Variants in PRRT1B observed in about 807,000 individuals in gnomAD.
PRRT1B encodes the protein proline rich transmembrane protein 1B, also known as dispanin subfamily D member 2.
Position 131,551,837 on chromosome 9 carries a change from ACT to A in PRRT1B, c.26-2715_26-2714del, listed in dbSNP as rs1300432954. On this transcript the variant is annotated intron_variant, in intron 1 of 3. Coordinates refer to ENST00000636672, the Ensembl canonical transcript of PRRT1B. This position sits in a 1 kb window ranked among gnomAD's most constrained non-coding sequence, Gnocchi z 4.4. The stretch of plus-strand genomic sequence containing the variant: ...CGGCCCACCCCATCTCCCTTCGCTG[ACT>A]CTCTTTTTGGACTCAGCCTGCCTGC... Among the ~76,000 whole-genome samples the A allele has an allele frequency of 2.6e-5, 4 of 151,052 alleles. No homozygotes were observed. The highest frequency in any genetic ancestry group is 5.9e-5 in the Non-Finnish European group (4 of 67,880).
intron 3 of PRRT1B, among the ~76,000 whole-genome samples, 173 bp from the exon 4 acceptor site, chr9:131,557,880 G>A (rs976697207): frequency 3.3e-5 from 5 of 152,254 alleles, no homozygotes; most frequent in Admixed American, 1.3e-4. Flanking sequence ...GCTGGCGGCC[G>A]CCACTGCCAT....
At chr9:131,556,090 C>A (rs1051913598) in exon 3 of PRRT1B, 1 of 401,032 alleles carries the variant, frequency 2.5e-6, no homozygotes, top group Non-Finnish European at 4.4e-6. Context: ...CGATGGCTGG[C>A]GTGCCAGGCC....
chr9:131,554,947 C>G, exon 2 of PRRT1B: 1 of 389,972 alleles, frequency 2.6e-6, no homozygotes, highest in Non-Finnish European at 4.5e-6. Context: ...CTCTTCCCGC[C>G]GCCCGCCCAG....
At chr9:131,557,119 C>T (rs1358099379) in intron 3 of PRRT1B, among the ~76,000 whole-genome samples, 3 of 152,072 alleles carry the variant, frequency 2.0e-5, no homozygotes, top group Non-Finnish European at 2.9e-5. Flanking sequence ...CTCATCCATA[C>T]ACCCACCTAC....
intron 1 of PRRT1B, among the ~76,000 whole-genome samples, chr9:131,548,702 A>G (rs1950991357): frequency 6.6e-6 from 1 of 152,042 alleles, no homozygotes. Context: ...CTACAGACCC[A>G]TCTGACCTCT....
At chr9:131,547,995 G>A (rs1950986898) in intron 1 of PRRT1B, among the ~76,000 whole-genome samples, 1 of 152,154 alleles carries the variant, frequency 6.6e-6, no homozygotes. Flanking sequence ...TCATTGCGGG[G>A]ACTCCTGCCT....
chr9:131,546,076 G>C (rs1394710809), intron 1 of PRRT1B, among the ~76,000 whole-genome samples: 1 of 152,182 alleles, frequency 6.6e-6, no homozygotes, highest in African/African-American at 2.4e-5. Flanking sequence ...AAGCCAGGGA[G>C]GGGGCAGCGG....
At chr9:131,553,016 C>G (rs1256005538) in intron 1 of PRRT1B, among the ~76,000 whole-genome samples, 2 of 152,048 alleles carry the variant, frequency 1.3e-5, no homozygotes, top group Non-Finnish European at 1.5e-5. Flanking sequence ...ACTCCGCAAC[C>G]TCCCTGCTTT....
chr9:131,556,641 C>CT (rs1408813407), intron 3 of PRRT1B, among the ~76,000 whole-genome samples: 298 of 150,360 alleles, frequency 2.0e-3, no homozygotes, highest in African/African-American at 6.1e-3. Flanking sequence ...CCATCTCTCT[C>CT]TTTTTTTTTG....
At chr9:131,557,381 A>G (rs904719274) in intron 3 of PRRT1B, among the ~76,000 whole-genome samples, 1 of 152,202 alleles carries the variant, frequency 6.6e-6, no homozygotes, top group Non-Finnish European at 1.5e-5. Context: ...TCTACTAAAA[A>G]TACAAAAATT....
chr9:131,556,218 G>A lies in PRRT1B; in HGVS notation c.642+5G>A, dbSNP rs906524310. Reference sequence around the variant, plus strand: ...GCCATCGTCTACTCCCACGAGGTAGGTGCGGGGGCGGCCCTGGGCACAGCC... The same window carrying A: ...GCCATCGTCTACTCCCACGAGGTAGATGCGGGGGCGGCCCTGGGCACAGCC... On this transcript the variant is annotated splice_donor_5th_base_variant and intron_variant, in intron 3 of 3. Transcript: ENST00000636672. 19 of 399,990 alleles carry A rather than the reference G, an allele frequency of 4.8e-5. No homozygotes were observed. The highest frequency in any genetic ancestry group is 8.8e-5 in the Admixed American group (2 of 22,648). 24.8% of individuals were successfully genotyped at this position (399,990 alleles called of 1,614,324 possible).
rs1318417727 is a variant in PRRT1B at position 131,555,030 on chromosome 9, G to A, written c.498+1G>A. ...CGGGGCCGCCTTCCCCTTCCCCGTG[G>A]TGAGTGGCCGCCGCCCTGGGCGCGC... On this transcript the variant is annotated splice_donor_variant, in intron 2 of 3. Coordinates refer to ENST00000636672, the Ensembl canonical transcript of PRRT1B. LOFTEE classifies it high-confidence loss of function. The A allele has an allele frequency of 5.1e-6, 2 of 391,246 alleles. No homozygotes were observed. The highest frequency in any genetic ancestry group is 9.0e-6 in the Non-Finnish European group (2 of 221,608). 24.2% of individuals were successfully genotyped at this position (391,246 alleles called of 1,614,324 possible). A position where few individuals can be genotyped will look rare whatever the true frequency, so the allele number is the denominator to read the frequency against.
chr9:131,546,077 G>T (rs538079150), intron 1 of PRRT1B, among the ~76,000 whole-genome samples: 2 of 152,168 alleles, frequency 1.3e-5, no homozygotes, highest in Non-Finnish European at 2.9e-5. Flanking sequence ...AGCCAGGGAG[G>T]GGGCAGCGGC....
At chr9:131,554,218 G>A (rs1316372063) in intron 1 of PRRT1B, among the ~76,000 whole-genome samples, 1 of 152,200 alleles carries the variant, frequency 6.6e-6, no homozygotes, top group East Asian at 1.9e-4. Flanking sequence ...TTCCCTGGGC[G>A]GATTATCCTT....
At position 131,546,315 on chromosome 9, in the gene PRRT1B, G is replaced by A. The variant is rs1010713337; in HGVS notation, c.25+675G>A. On this transcript the variant is annotated intron_variant, in intron 1 of 3. Coordinates refer to ENST00000636672, the Ensembl canonical transcript of PRRT1B. Reference sequence around the variant, plus strand: ...AGGGACCGAGAGAGGTGGGGTGGGGGCAGAGCTGGAGAGAGGCGCGGACGC... The same window carrying A: ...AGGGACCGAGAGAGGTGGGGTGGGGACAGAGCTGGAGAGAGGCGCGGACGC... 4.6e-5 allele frequency among the ~76,000 whole-genome samples: 7 copies of A among 152,318 alleles called. No individual in the cohort carries two copies. The South Asian group carries it at 1.0e-3, about 23-fold the overall frequency.
At chr9:131,558,079 C>T in exon 4 of PRRT1B, 1 of 400,314 alleles carries the variant, frequency 2.5e-6, no homozygotes, top group Admixed American at 4.4e-5. Flanking sequence ...GCAGGGGTGA[C>T]CTGGCCCAGG....
chr9:131,556,072 C>A lies in PRRT1B; in HGVS notation c.501C>A (p.Tyr167Ter). 4 of 401,056 alleles carry A rather than the reference C, an allele frequency of 1.0e-5. No individual in the cohort carries two copies. Among genetic ancestry groups the A allele is most frequent in the Non-Finnish European group, 1.8e-5 (4 of 226,480 alleles). The allele number at this position is 401,056 out of a possible 1,614,324, so 24.8% of individuals were successfully genotyped here. The change falls in exon 3 of 4, where the codon TAC (tyrosine) becomes TAA (stop). Residue 167 changes from tyrosine to a stop codon, truncating the protein, a stop_gained and splice_region_variant. Transcript: ENST00000636672. LOFTEE classifies it high-confidence loss of function. ...CCACTGTGGCTCTGCCCCCACAGTA[C>A]AATGGCCCGATGGCTGGCGTGCCAG...
chr9:131,548,108 G>T (rs1950987527), intron 1 of PRRT1B, among the ~76,000 whole-genome samples: 2 of 152,124 alleles, frequency 1.3e-5, no homozygotes, highest in Non-Finnish European at 2.9e-5. Flanking sequence ...GGGGATGCCT[G>T]CTTTGGCTGC....
intron 3 of PRRT1B, among the ~76,000 whole-genome samples, chr9:131,557,665 A>C (rs979342591): frequency 6.6e-6 from 1 of 152,218 alleles, no homozygotes; most frequent in African/African-American, 2.4e-5. Context: ...TCTCAGGACA[A>C]CTCAGAGGTG....
Sources: allele counts gnomAD v4.1 joint callset (sites outside exome capture counted in the v4.1 genomes callset), GRCh38; gene constraint gnomAD v4.1.1; non-coding constraint Gnocchi (gnomAD v3.1); transcripts MANE v1.5; gene names NCBI Gene and HGNC (gene_info 2026-07-23, HGNC 2026-07-21).